Variants in MMP26 observed in about 807,000 individuals in gnomAD.
The protein encoded by MMP26 is matrix metallopeptidase 26, also known as matrix metalloproteinase-26.
In MMP26, 33 loss-of-function variants were observed where a neutral mutation model predicts 31.0. The ratio of observed to expected loss-of-function variants is 1.06; its 90% CI spans 0.81 to 1.42. MMP26 has a LOEUF of 1.42. Among genes scored for constraint, MMP26 ranks in the 40% most tolerant of loss-of-function variants. MMP26 has a pLI of 0.00. For missense variants in MMP26, 347 were observed against 316.1 expected, an observed-to-expected ratio of 1.10 and a Z score of -0.74; for synonymous variants, 122 against 114.9, an observed-to-expected ratio of 1.06 and a Z score of -0.40.
At chr11:4,732,093 A>G (rs942742460) in intron 1 of MMP26, among the ~76,000 whole-genome samples, 1 of 152,216 alleles carries the variant, frequency 6.6e-6, no homozygotes, top group African/African-American at 2.4e-5. Flanking sequence ...GTGGAGCAGT[A>G]AAATGACTGG....
chr11:4,713,390 T>A (rs182609544), intron 1 of MMP26, among the ~76,000 whole-genome samples: 76 of 152,304 alleles, frequency 5.0e-4, no homozygotes, highest in Non-Finnish European at 9.6e-4. Flanking sequence ...GAGCTGAGTC[T>A]GTTATTAGTC....
chr11:4,814,405 T>A (rs1409433019), intron 2 of MMP26, among the ~76,000 whole-genome samples: 2 of 151,780 alleles, frequency 1.3e-5, no homozygotes, highest in Non-Finnish European at 1.5e-5. Context: ...ATACTACTCA[T>A]CAAGAATAAA....
At chr11:4,852,340 A>G (rs767381134) in intron 2 of MMP26, among the ~76,000 whole-genome samples, 2 of 152,174 alleles carry the variant, frequency 1.3e-5, no homozygotes, top group Non-Finnish European at 2.9e-5. Context: ...GAAAAACACC[A>G]TGAATCGGAA....
At chr11:4,856,306 T>C (rs1850052422) in intron 2 of MMP26, among the ~76,000 whole-genome samples, 1 of 152,194 alleles carries the variant, frequency 6.6e-6, no homozygotes, top group African/African-American at 2.4e-5. Context: ...GACCCATCAG[T>C]GTGCTGTATT....
intron 2 of MMP26, chr11:4,913,171 G>A (rs771008024): frequency 5.3e-5 from 8 of 152,132 alleles, no homozygotes; most frequent in Admixed American, 6.5e-5. Context: ...ACTGGGTTCT[G>A]ATCCTTTTGA....
chr11:4,929,772 AT>A (rs1851321235), intron 2 of MMP26, among the ~76,000 whole-genome samples: 1 of 152,106 alleles, frequency 6.6e-6, no homozygotes, highest in Non-Finnish European at 1.5e-5. Context: ...TGTTATTCTA[AT>A]TCATTATGCA....
At chr11:4,819,288 A>C (rs1321206805) in intron 2 of MMP26, among the ~76,000 whole-genome samples, 1 of 152,184 alleles carries the variant, frequency 6.6e-6, no homozygotes, top group Non-Finnish European at 1.5e-5. Context: ...GTGAAATATG[A>C]GGCTGTGAAA....
chr11:4,935,331 T>G (rs1589944084), intron 2 of MMP26, among the ~76,000 whole-genome samples: 1 of 151,760 alleles, frequency 6.6e-6, no homozygotes, highest in African/African-American at 2.4e-5. Context: ...TTATTCTCTT[T>G]GAAGCAATTG....
intron 2 of MMP26, among the ~76,000 whole-genome samples, chr11:4,822,997 A>G (rs941190184): frequency 6.6e-6 from 1 of 152,184 alleles, no homozygotes; most frequent in Non-Finnish European, 1.5e-5. Flanking sequence ...TCTAGGAGTA[A>G]GGATAACACT....
chr11:4,760,420 G>C (rs1295331742), intron 1 of MMP26, among the ~76,000 whole-genome samples: 3 of 152,210 alleles, frequency 2.0e-5, no homozygotes, highest in Admixed American at 1.3e-4. Context: ...CAAAGTGCAT[G>C]ATGACCTGAG....
At chr11:4,832,102 C>A (rs1849654304) in intron 2 of MMP26, 1 of 152,324 alleles carries the variant, frequency 6.6e-6, no homozygotes, top group Non-Finnish European at 1.5e-5. Context: ...TCTTTAGACC[C>A]ACGAGTGGAT....
At chr11:4,744,533 G>T (rs1267109351) in intron 1 of MMP26, among the ~76,000 whole-genome samples, 1 of 152,164 alleles carries the variant, frequency 6.6e-6, no homozygotes, top group Non-Finnish European at 1.5e-5. Context: ...ATGAGGAAGA[G>T]GCAGGGCTCT....
intron 1 of MMP26, among the ~76,000 whole-genome samples, chr11:4,741,696 A>C (rs1848314575): frequency 6.6e-6 from 1 of 152,174 alleles, no homozygotes. Flanking sequence ...CAATAGGTGA[A>C]GCAAACCACC....
At chr11:4,824,390 A>G (rs1849554177) in intron 2 of MMP26, among the ~76,000 whole-genome samples, 1 of 152,102 alleles carries the variant, frequency 6.6e-6, no homozygotes, top group South Asian at 2.1e-4. Flanking sequence ...TCCTCTATAA[A>G]AATTATACAC....
intron 2 of MMP26, among the ~76,000 whole-genome samples, chr11:4,789,395 C>T (rs540323872): frequency 3.3e-5 from 5 of 151,954 alleles, no homozygotes; most frequent in African/African-American, 9.6e-5. Context: ...AACTAGGAAT[C>T]TCCAGAAGAT....
chr11:4,750,955 T>A (rs1384462983), intron 1 of MMP26, among the ~76,000 whole-genome samples: 1 of 152,070 alleles, frequency 6.6e-6, no homozygotes, highest in Non-Finnish European at 1.5e-5. Flanking sequence ...ATTTATTGGA[T>A]GTGGGACCAA....
chr11:4,936,984 C>A (rs1464547824), intron 2 of MMP26, among the ~76,000 whole-genome samples: 1 of 152,138 alleles, frequency 6.6e-6, no homozygotes, highest in Non-Finnish European at 1.5e-5. Context: ...TAATTTAACT[C>A]TTCTCTTACT....
In MMP26 at chr11:4,772,360, A is replaced by C. The variant is rs74055004; in HGVS notation, c.-145+5019A>C. 8.8e-3 allele frequency among the ~76,000 whole-genome samples: 1,346 copies of C among 152,294 alleles called. 16 individuals carry two copies. The highest frequency in any genetic ancestry group is 0.031 in the African/African-American group (1,281 of 41,546). ...AGTGTACTGGCAAGATAGGAAAAGA[A>C]ACCACTGTTCACTGGGATCATTATG... On this transcript the variant is annotated intron_variant, in intron 2 of 7. Coordinates refer to ENST00000380390, the MANE Select transcript of MMP26 (RefSeq NM_021801.5).
intron 2 of MMP26, among the ~76,000 whole-genome samples, chr11:4,768,686 T>C (rs989639932): frequency 3.3e-5 from 5 of 152,182 alleles, no homozygotes; most frequent in Admixed American, 2.0e-4. Flanking sequence ...ATGGAATATG[T>C]CTTAAAAGCA....
Sources: gnomAD v4.1 joint callset for allele counts (sites outside exome capture counted in the v4.1 genomes callset) on GRCh38, gnomAD v4.1.1 for gene constraint, MANE v1.5 for transcripts, NCBI Gene and HGNC (gene_info 2026-07-23, HGNC 2026-07-21) for gene names.